LYN: variants seen among roughly 807,000 people sequenced by gnomAD.
LYN encodes LYN proto-oncogene, Src family tyrosine kinase, also known as tyrosine-protein kinase Lyn.
LYN carries 12 observed loss-of-function variants against 65.0 expected under a neutral mutation model. The observed-to-expected ratio is 0.18, with a 90% CI of 0.12 to 0.30. LYN has a LOEUF of 0.30. Ranked by LOEUF, LYN falls within the 10% of genes least tolerant of loss-of-function variation. The pLI, the probability that LYN is intolerant of heterozygous loss-of-function variation, is 1.00. For missense variants in LYN, 380 were observed against 623.2 expected (o/e 0.61, Z 4.16); for synonymous variants, 222 against 221.2 (o/e 1.00, Z -0.03).
chr8:55,945,452 G>A (rs1806745081), intron 2 of LYN, among the ~76,000 whole-genome samples: 1 of 152,188 alleles, frequency 6.6e-6, no homozygotes, highest in East Asian at 1.9e-4. Context: ...GTACTACAAT[G>A]TAGTAATTTT....
rs916518273 is a variant in LYN, at chr8:55,946,322, T to C, written c.133-126T>C. On this transcript the variant is annotated intron_variant, in intron 2 of 12. Transcript: ENST00000519728. ...CAGGTTTTTCCCTCTGTGCTCCTGT[T>C]CTTTCTGACTTAATAAATGAGCCCA... 16 of 723,662 alleles carry C rather than the reference T, an allele frequency of 2.2e-5. No individual in the cohort carries two copies. The African/African-American group carries it at 2.7e-4, about 12-fold the overall frequency. 44.8% of individuals were successfully genotyped at this position (723,662 alleles called of 1,614,324 possible). A position where few individuals can be genotyped will look rare whatever the true frequency, so the allele number is the denominator to read the frequency against.
rs776788142 is a variant in LYN at position 55,942,008 on chromosome 8, A to G, written c.132+17A>G. On this transcript the variant is annotated intron_variant, in intron 2 of 12. Transcript: ENST00000519728. ...CAAAGGCCAGTAAGTAGATAGTCTC[A>G]GGGGAGAATTCCCACAGCAAGATCA... The G allele has an allele frequency of 5.3e-5, 86 of 1,611,928 alleles. No homozygotes were observed. The highest frequency in any genetic ancestry group is 6.4e-5 in the Non-Finnish European group (76 of 1,179,354).
chr8:55,935,469 C>T (rs540141749), intron 1 of LYN, among the ~76,000 whole-genome samples: 6 of 152,264 alleles, frequency 3.9e-5, no homozygotes, highest in African/African-American at 1.4e-4. Context: ...TTTCAGTTCT[C>T]TCTCTTTTAA....
rs1808828756 is a variant in LYN at position 56,011,916 on chromosome 8, G to C, written c.*1806G>C. The C allele has an allele frequency of 5.3e-6, 1 of 187,300 alleles. No individual in the cohort carries two copies. The highest frequency in any genetic ancestry group is 2.3e-5 in the African/African-American group (1 of 42,696). The allele number at this position is 187,300 out of a possible 1,614,324, so 11.6% of individuals were successfully genotyped here. A position where few individuals can be genotyped will look rare whatever the true frequency, so the allele number is the denominator to read the frequency against. ...CAAGTATTACCCAATATGTTACATG[G>C]AGAGGAACTATAAAGAATCCCTAAG... On this transcript the variant is annotated 3_prime_UTR_variant, in exon 13 of 13. Coordinates refer to ENST00000519728, the MANE Select transcript of LYN (RefSeq NM_002350.4).
intron 12 of LYN, among the ~76,000 whole-genome samples, chr8:56,005,305 GTCTT>G (rs1163559157): frequency 6.6e-6 from 1 of 152,210 alleles, no homozygotes; most frequent in African/African-American, 2.4e-5. Flanking sequence ...CATGTCTTCA[GTCTT>G]TCTTCTCACT....
intron 1 of LYN, among the ~76,000 whole-genome samples, chr8:55,900,971 G>A (rs1380284806): frequency 6.6e-6 from 1 of 151,856 alleles, no homozygotes; most frequent in Non-Finnish European, 1.5e-5. Flanking sequence ...AAGAAGACGT[G>A]GATTGAGTGA....
At chr8:55,974,897 G>T (rs193299684) in intron 10 of LYN, among the ~76,000 whole-genome samples, 1 of 152,266 alleles carries the variant, frequency 6.6e-6, no homozygotes, top group South Asian at 2.1e-4. Context: ...AGTGGAAGCC[G>T]CAGGTGATTG....
chr8:55,961,651 C>G (rs888519117), intron 8 of LYN, among the ~76,000 whole-genome samples: 3 of 152,094 alleles, frequency 2.0e-5, no homozygotes, highest in African/African-American at 7.2e-5. Flanking sequence ...TCGTCCTTTA[C>G]TCATACTTTT....
At position 55,911,483 on chromosome 8, in the gene LYN, C is replaced by T. The variant is rs180896901; in HGVS notation, c.-5-30372C>T. Among the ~76,000 whole-genome samples the T allele has an allele frequency of 2.7e-3, 401 of 150,850 alleles. 3 individuals carry two copies. The highest frequency in any genetic ancestry group is 8.9e-3 in the African/African-American group (366 of 41,098). ...ATACAATGAAATACTCAAGGAATTG[C>T]GTGAACCATCTCTTTTGTACAGACT... is the stretch of plus-strand genomic sequence containing the variant. On this transcript the variant is annotated intron_variant, in intron 1 of 12. Transcript: ENST00000519728.
rs543431218 is a variant in LYN, at chr8:55,937,327, A to G, written c.-5-4528A>G. 7.2e-5 allele frequency among the ~76,000 whole-genome samples: 11 copies of G among 152,256 alleles called. No individual in the cohort carries two copies. The East Asian group carries it at 2.1e-3, about 29-fold the overall frequency. On this transcript the variant is annotated intron_variant, in intron 1 of 12. Coordinates refer to ENST00000519728, the MANE Select transcript of LYN (RefSeq NM_002350.4). ...GTTGGTGCAAAAGTAATTGGCAAAA[A>G]CCGCAATTACTTTTGCAACAGCCTA... is the stretch of plus-strand genomic sequence containing the variant.
At chr8:55,915,291 C>T (rs758274526) in intron 1 of LYN, among the ~76,000 whole-genome samples, 1 of 152,148 alleles carries the variant, frequency 6.6e-6, no homozygotes, top group Non-Finnish European at 1.5e-5. Context: ...ACCATTAAGC[C>T]TCTGCTATCC....
At chr8:55,929,957 T>C (rs541494902) in intron 1 of LYN, among the ~76,000 whole-genome samples, 1 of 152,322 alleles carries the variant, frequency 6.6e-6, no homozygotes, top group African/African-American at 2.4e-5. Context: ...TGAACAGCAG[T>C]TGAGCAAGCA....
intron 1 of LYN, among the ~76,000 whole-genome samples, chr8:55,907,729 G>A (rs1318590626): frequency 6.6e-6 from 1 of 152,034 alleles, no homozygotes; most frequent in African/African-American, 2.4e-5. Context: ...AACAGGACGT[G>A]GTGGTGCACG....
intron 10 of LYN, among the ~76,000 whole-genome samples, chr8:55,971,211 C>T (rs145259997): frequency 7.2e-4 from 109 of 152,368 alleles, no homozygotes; most frequent in African/African-American, 2.5e-3. Context: ...AAGGACCCAG[C>T]AGCCCTGCCT....
At chr8:55,977,759 A>C (rs963446750) in intron 10 of LYN, among the ~76,000 whole-genome samples, 1 of 151,698 alleles carries the variant, frequency 6.6e-6, no homozygotes, top group African/African-American at 2.4e-5. Flanking sequence ...ACCAAAAAAA[A>C]AAAAAAAAAA....
chr8:55,912,853 T>C lies in LYN; in HGVS notation c.-5-29002T>C, dbSNP rs1193068037. Among the ~76,000 whole-genome samples the C allele has an allele frequency of 2.0e-5, 3 of 152,220 alleles. No homozygotes were observed. In the South Asian group the frequency reaches 6.2e-4, roughly 32 times the overall value. On this transcript the variant is annotated intron_variant, in intron 1 of 12. Coordinates refer to ENST00000519728, the MANE Select transcript of LYN (RefSeq NM_002350.4). ...AAAAATATGTATTCTTTTAATGGAC[T>C]ACAAATATTATAATTTTTCTTAAAA...
At chr8:55,951,747 A>C (rs1305867205) in intron 6 of LYN, among the ~76,000 whole-genome samples, 1 of 151,910 alleles carries the variant, frequency 6.6e-6, no homozygotes, top group Non-Finnish European at 1.5e-5. Flanking sequence ...TATCATGAAG[A>C]AAGAAAATGG....
intron 10 of LYN, among the ~76,000 whole-genome samples, chr8:55,992,903 C>G (rs1297574885): frequency 2.6e-5 from 4 of 152,154 alleles, no homozygotes; most frequent in African/African-American, 9.7e-5. Flanking sequence ...ACCCAATCAC[C>G]TCCTAAAGGC....
intron 7 of LYN, among the ~76,000 whole-genome samples, chr8:55,952,379 T>C (rs1001614918): frequency 6.6e-5 from 10 of 151,506 alleles, no homozygotes; most frequent in African/African-American, 2.4e-4. Context: ...GCCAACCTGG[T>C]GATACCCCAT....
Sources: allele counts gnomAD v4.1 joint callset (sites outside exome capture counted in the v4.1 genomes callset), GRCh38; gene constraint gnomAD v4.1.1; transcripts MANE v1.5; gene names NCBI Gene and HGNC (gene_info 2026-07-23, HGNC 2026-07-21).